NLGN1: variants seen among roughly 807,000 people sequenced by gnomAD.
NLGN1 encodes the protein neuroligin 1, also known as neuroligin-1.
A neutral mutation model predicts 65.5 loss-of-function variants in NLGN1; 12 were observed. That is an observed-to-expected ratio of 0.18 (90% confidence interval 0.12 to 0.30). NLGN1 has a LOEUF of 0.30. Ranked by LOEUF, NLGN1 falls within the 10% of genes least tolerant of loss-of-function variation. The pLI, the probability that NLGN1 is intolerant of heterozygous loss-of-function variation, is 1.00. For synonymous variants in NLGN1, 350 were observed against 359.5 expected (o/e 0.97, Z 0.30); for missense variants, 750 against 1,007.1 (o/e 0.74, Z 3.46).
At chr3:174,022,617 A>G (rs1052994655) in intron 4 of NLGN1, among the ~76,000 whole-genome samples, 2 of 152,214 alleles carry the variant, frequency 1.3e-5, no homozygotes, top group South Asian at 4.1e-4. Context: ...CAACATCACT[A>G]ATTGTGAGAG....
chr3:173,408,504 TG>T (rs1187987258), intron 1 of NLGN1, among the ~76,000 whole-genome samples: 3 of 152,222 alleles, frequency 2.0e-5, no homozygotes, highest in Non-Finnish European at 2.9e-5. Flanking sequence ...CAGCTCATTC[TG>T]GGAGCCAGTG....
chr3:174,185,513 T>A (rs182266784), intron 4 of NLGN1, among the ~76,000 whole-genome samples: 97 of 152,232 alleles, frequency 6.4e-4, no homozygotes, highest in African/African-American at 2.2e-3. Context: ...GACATATGGT[T>A]TTATACTATG....
At chr3:174,256,053 C>T (rs534245536) in intron 4 of NLGN1, among the ~76,000 whole-genome samples, 3 of 152,218 alleles carry the variant, frequency 2.0e-5, no homozygotes, top group East Asian at 3.9e-4. Context: ...CCCAGAGTAT[C>T]GTGATAAGTC....
rs371427726 is a variant in NLGN1 at position 174,254,306 on chromosome 3, ATTTTTTTT to A, written c.647-20991_647-20984del. Among the ~76,000 whole-genome samples the A allele has an allele frequency of 8.1e-3, 924 of 113,788 alleles. 23 individuals carry two copies. The East Asian group carries it at 0.094, about 12-fold the overall frequency. The allele number at this position is 113,788 out of a possible 152,430, so 74.6% of individuals were successfully genotyped here. ...GATTTCTTAGGAAAAGTCCTTTTTA[ATTTTTTTT>A]TTTTTTTTTTTTTTTTTGTAATTTA... On this transcript the variant is annotated intron_variant, in intron 4 of 6. Transcript: ENST00000457714.
intron 4 of NLGN1, among the ~76,000 whole-genome samples, chr3:173,973,310 G>T (rs1579505887): frequency 6.6e-6 from 1 of 152,080 alleles, no homozygotes; most frequent in East Asian, 1.9e-4. Context: ...TAGTAGCCAA[G>T]ACTCTTTGTT....
exon 3 of NLGN1, chr3:173,604,402 G>T: frequency 1.5e-6 from 1 of 653,410 alleles, no homozygotes; most frequent in Non-Finnish European, 2.7e-6. Context: ...GATAAATAGT[G>T]ATGATTGAAG....
At chr3:173,745,001 A>G (rs563297325) in intron 3 of NLGN1, among the ~76,000 whole-genome samples, 1 of 152,138 alleles carries the variant, frequency 6.6e-6, no homozygotes, top group African/African-American at 2.4e-5. Context: ...ACTTAACTGA[A>G]ACTAAGAGGT....
At chr3:174,238,036 G>C (rs1463586822) in intron 4 of NLGN1, among the ~76,000 whole-genome samples, 1 of 152,132 alleles carries the variant, frequency 6.6e-6, no homozygotes, top group Non-Finnish European at 1.5e-5. Flanking sequence ...ATATCTTGAT[G>C]AATCAAATAT....
intron 3 of NLGN1, among the ~76,000 whole-genome samples, chr3:173,713,775 AG>A (rs1372625264): frequency 3.9e-5 from 6 of 152,150 alleles, no homozygotes; most frequent in Admixed American, 3.9e-4. Context: ...TACTCAACAA[AG>A]GTTAATTATA....
intron 4 of NLGN1, among the ~76,000 whole-genome samples, chr3:173,965,040 G>A (rs2152355914): frequency 6.6e-6 from 1 of 152,130 alleles, no homozygotes; most frequent in Middle Eastern, 3.4e-3. Flanking sequence ...TTCAGTCATT[G>A]TTTTCCAAAT....
At chr3:173,604,437 C>T (rs1021474909) in exon 3 of NLGN1, 1 of 717,534 alleles carries the variant, frequency 1.4e-6, no homozygotes, top group South Asian at 1.7e-5. Context: ...CATGTGAAAT[C>T]AATGGGAGAT....
At chr3:174,227,430 G>C (rs989559634) in intron 4 of NLGN1, among the ~76,000 whole-genome samples, 4 of 151,998 alleles carry the variant, frequency 2.6e-5, no homozygotes, top group African/African-American at 9.7e-5. Context: ...TTGTAAAAAA[G>C]TTACAGCAGG....
intron 4 of NLGN1, among the ~76,000 whole-genome samples, chr3:173,948,410 C>A (rs538404452): frequency 1.4e-3 from 214 of 152,236 alleles, no homozygotes; most frequent in African/African-American, 4.8e-3. Flanking sequence ...CAAGACCTGA[C>A]TTTGAAGTAT....
At chr3:173,845,606 G>A (rs202015399) in intron 4 of NLGN1, among the ~76,000 whole-genome samples, 6 of 146,934 alleles carry the variant, frequency 4.1e-5, no homozygotes, top group African/African-American at 5.0e-5. Flanking sequence ...GTAGGTGGAT[G>A]GATAGATAGA....
At chr3:173,726,017 T>C (rs532760968) in intron 3 of NLGN1, among the ~76,000 whole-genome samples, 2 of 152,088 alleles carry the variant, frequency 1.3e-5, no homozygotes, top group African/African-American at 2.4e-5. Flanking sequence ...TGGAGTCTTA[T>C]GTAACATAAA....
At chr3:174,232,840 G>A (rs551657773) in intron 4 of NLGN1, among the ~76,000 whole-genome samples, 49 of 152,290 alleles carry the variant, frequency 3.2e-4, no homozygotes, top group Middle Eastern at 3.4e-3. Flanking sequence ...AAATGGTTCC[G>A]ACTCTCAAAA....
chr3:173,592,725 T>G (rs1748742904), intron 2 of NLGN1, among the ~76,000 whole-genome samples: 1 of 152,198 alleles, frequency 6.6e-6, no homozygotes, highest in South Asian at 2.1e-4. Flanking sequence ...TACAATGTAA[T>G]GCATTGTTCT....
intron 2 of NLGN1, among the ~76,000 whole-genome samples, chr3:173,550,957 C>G (rs906425141): frequency 1.5e-4 from 23 of 152,148 alleles, no homozygotes; most frequent in African/African-American, 5.5e-4. Context: ...GATTTTTCTC[C>G]CTATACACAT....
intron 4 of NLGN1, among the ~76,000 whole-genome samples, chr3:174,235,086 G>A (rs1345534): frequency 0.33 from 45,998 of 139,824 alleles, 7,771 homozygotes; most frequent in East Asian, 0.55. Flanking sequence ...AAACCAACAT[G>A]TGGAGCATCT....
Sources: allele counts gnomAD v4.1 joint callset (sites outside exome capture counted in the v4.1 genomes callset), GRCh38; gene constraint gnomAD v4.1.1; transcripts MANE v1.5; gene names NCBI Gene and HGNC (gene_info 2026-07-23, HGNC 2026-07-21).